The following DHRSX variants were observed in gnomAD, a reference collection of about 807,000 sequenced individuals.
DHRSX encodes dehydrogenase/reductase X-linked.
Under a neutral mutation model 34.0 loss-of-function variants are expected in DHRSX, and 31 were observed. The ratio of observed to expected loss-of-function variants is 0.91; its 90% confidence interval spans 0.69 to 1.23. DHRSX has a LOEUF of 1.23. Ranked by LOEUF, DHRSX falls within the 50% of genes most tolerant of loss-of-function variation. The pLI is 0.00. For synonymous variants in DHRSX, 201 were observed against 183.8 expected, an observed-to-expected ratio of 1.09 and a Z score of -0.76; for missense variants, 414 against 428.1, an observed-to-expected ratio of 0.97 and a Z score of 0.29.
intron 3 of DHRSX, among the ~76,000 whole-genome samples, chrX:2,330,908 CTAAA>C (rs2042464440): frequency 6.6e-6 from 1 of 152,114 alleles, no homozygotes; most frequent in South Asian, 2.1e-4. Context: ...CCAGGCCACT[CTAAA>C]TGTCTCTCAA....
Position 2,461,324 on chromosome X carries a change from G to A in DHRSX, c.110-36020C>T, listed in dbSNP as rs140717192. Among the ~76,000 whole-genome samples the A allele has an allele frequency of 1.3e-3, 194 of 152,296 alleles. 1 individual carries two copies. Among genetic ancestry groups the A allele is most frequent in the Non-Finnish European group, 1.9e-3 (132 of 68,038 alleles). ...GGAGCCTGAATGTGAAAAGGCAATC[G>A]TTCCTTCTGCATCAAAACATCTGCA... On this transcript the variant is annotated intron_variant, in intron 1 of 6. Transcript: ENST00000334651.
chrX:2,338,628 C>A (rs1371295690), intron 3 of DHRSX, among the ~76,000 whole-genome samples: 1 of 152,058 alleles, frequency 6.6e-6, no homozygotes, highest in Non-Finnish European at 1.5e-5. Flanking sequence ...CGTCTCCCGT[C>A]TGTCTTCCCT....
chrX:2,263,073 C>T (rs1040246140), intron 5 of DHRSX, among the ~76,000 whole-genome samples: 3 of 152,236 alleles, frequency 2.0e-5, no homozygotes, highest in Non-Finnish European at 4.4e-5. Flanking sequence ...ATTACAGAGG[C>T]TGGCCCCAAA....
rs756417678 is a variant in DHRSX at position 2,493,795 on chromosome X, C to T, written c.109+7022G>A. On this transcript the variant is annotated intron_variant, in intron 1 of 6. Coordinates refer to ENST00000334651, the MANE Select transcript of DHRSX (RefSeq NM_145177.3). ...GACCACCCTGGACAACATGGTGAAACCCCTCCTCTACTAAAAATACAAAAT... is the reference window on the plus strand; with the variant it reads ...GACCACCCTGGACAACATGGTGAAATCCCTCCTCTACTAAAAATACAAAAT... Among the ~76,000 whole-genome samples, 3 of 152,100 alleles carry T rather than the reference C, an allele frequency of 2.0e-5. No homozygotes were observed. In the East Asian group the frequency reaches 5.8e-4, roughly 29 times the overall value.
intron 4 of DHRSX, among the ~76,000 whole-genome samples, chrX:2,269,059 ATATG>A (rs2041513394): frequency 6.6e-6 from 1 of 152,180 alleles, no homozygotes; most frequent in South Asian, 2.1e-4. Flanking sequence ...ATTTGTATAT[ATATG>A]TGTTTGCATC....
intron 3 of DHRSX, among the ~76,000 whole-genome samples, chrX:2,367,521 T>C (rs1389321592): frequency 6.6e-6 from 1 of 151,762 alleles, no homozygotes; most frequent in Non-Finnish European, 1.5e-5. Flanking sequence ...CATTTGGGAA[T>C]TGAAAATAAG....
At chrX:2,428,047 T>A (rs1159968449) in intron 1 of DHRSX, among the ~76,000 whole-genome samples, 1 of 152,076 alleles carries the variant, frequency 6.6e-6, no homozygotes, top group Non-Finnish European at 1.5e-5. Context: ...TAAGCGGGAA[T>A]TAAATAATGT....
At chrX:2,396,135 G>T (rs747626800) in intron 3 of DHRSX, among the ~76,000 whole-genome samples, 65 of 151,760 alleles carry the variant, frequency 4.3e-4, no homozygotes, top group African/African-American at 1.4e-3. Flanking sequence ...TCTCCACAAG[G>T]CCTTCTCCTC....
chrX:2,382,672 T>G (rs1419182067), intron 3 of DHRSX, among the ~76,000 whole-genome samples: 2 of 76,092 alleles, frequency 2.6e-5, no homozygotes, highest in South Asian at 8.7e-4. Context: ...ATCACCATCA[T>G]CATCACCATC....
intron 6 of DHRSX, among the ~76,000 whole-genome samples, chrX:2,236,521 T>C (rs2016019372): frequency 1.3e-5 from 2 of 152,026 alleles, no homozygotes; most frequent in Non-Finnish European, 2.9e-5. Context: ...AACCTCCTGC[T>C]CCCGGGTTCA....
chrX:2,389,409 C>T (rs1193996463), intron 3 of DHRSX, among the ~76,000 whole-genome samples: 2 of 151,572 alleles, frequency 1.3e-5, no homozygotes, highest in South Asian at 2.1e-4. Context: ...AAAGTGATGG[C>T]GGTAACCTGG....
intron 4 of DHRSX, among the ~76,000 whole-genome samples, chrX:2,286,051 C>T (rs2041801186): frequency 6.6e-6 from 1 of 152,198 alleles, no homozygotes; most frequent in Admixed American, 6.5e-5. Context: ...TGGCTCAAGC[C>T]TCCAGCACAA....
At chrX:2,318,192 G>A (rs866889995) in intron 3 of DHRSX, among the ~76,000 whole-genome samples, 327 of 108,454 alleles carry the variant, frequency 3.0e-3, no homozygotes, top group Middle Eastern at 0.013. Context: ...CAAAAATACA[G>A]AAAAAAAAAA....
At chrX:2,446,240 C>T (rs2044132476) in intron 1 of DHRSX, among the ~76,000 whole-genome samples, 1 of 152,020 alleles carries the variant, frequency 6.6e-6, no homozygotes, top group Admixed American at 6.6e-5. Context: ...AAGAATGTGG[C>T]CAAGGGACCC....
At chrX:2,371,128 C>T (rs2043053383) in intron 3 of DHRSX, among the ~76,000 whole-genome samples, 1 of 151,820 alleles carries the variant, frequency 6.6e-6, no homozygotes, top group Admixed American at 6.6e-5. Context: ...AATCCCTCCC[C>T]GCCATTACCA....
At position 2,350,500 on chromosome X, in the gene DHRSX, T is replaced by C. The variant is rs1432980773; in HGVS notation, c.286+58245A>G. Among the ~76,000 whole-genome samples, 8 of 152,196 alleles carry C rather than the reference T, an allele frequency of 5.3e-5. No individual in the cohort carries two copies. The East Asian group carries it at 1.5e-3, about 29-fold the overall frequency. ...ACACAGAGAGACAAATACCGCATGA[T>C]GTCACTGACATGTAGAATCTAAAAT... On this transcript the variant is annotated intron_variant, in intron 3 of 6. Transcript: ENST00000334651.
intron 3 of DHRSX, 44 bp downstream of exon 3, chrX:2,408,701 G>GAAAAA: frequency 7.4e-7 from 1 of 1,342,692 alleles, no homozygotes; most frequent in Non-Finnish European, 1.0e-6. Flanking sequence ...CTGTCCCAAG[G>GAAAAA]AAAAAAAAAA....
chrX:2,360,009 C>A (rs141512252), intron 3 of DHRSX, among the ~76,000 whole-genome samples: 4 of 152,102 alleles, frequency 2.6e-5, no homozygotes, highest in South Asian at 2.1e-4. Context: ...ATACAACAAA[C>A]CCCCATGACA....
chrX:2,405,918 A>AAAC (rs1556508791), intron 3 of DHRSX, among the ~76,000 whole-genome samples: 2 of 149,480 alleles, frequency 1.3e-5, no homozygotes. Context: ...AAAAAAAAAA[A>AAAC]ATAAGGTACC....
Sources: allele counts gnomAD v4.1 joint callset (sites outside exome capture counted in the v4.1 genomes callset), GRCh38; gene constraint gnomAD v4.1.1; transcripts MANE v1.5; gene names NCBI Gene and HGNC (gene_info 2026-07-23, HGNC 2026-07-21).